Variants in PRKAG2 observed in about 807,000 individuals in gnomAD.
PRKAG2 encodes protein kinase AMP-activated non-catalytic subunit gamma 2, also known as 5'-AMP-activated protein kinase subunit gamma-2.
In PRKAG2, 26 loss-of-function variants were observed where a neutral mutation model predicts 69.6. The ratio of observed to expected loss-of-function variants is 0.37; its 90% CI spans 0.27 to 0.52. The LOEUF (loss-of-function observed/expected upper bound fraction) is 0.52. Ranked by LOEUF, PRKAG2 falls within the 20% of genes least tolerant of loss-of-function variation. The probability of loss-of-function intolerance (pLI) is 0.90; values close to 1 mark genes in which losing one functional copy is unlikely to be tolerated. For synonymous variants in PRKAG2, 293 were observed against 285.0 expected, an observed-to-expected ratio of 1.03 and a Z score of -0.28; for missense variants, 557 against 740.0, an observed-to-expected ratio of 0.75 and a Z score of 2.87.
At chr7:151,613,555 T>C (rs922314061) in intron 5 of PRKAG2, among the ~76,000 whole-genome samples, 11 of 152,158 alleles carry the variant, frequency 7.2e-5, no homozygotes, top group Non-Finnish European at 1.0e-4. Flanking sequence ...TGGAGTGCAG[T>C]GGTAGGATCT....
At chr7:151,830,636 T>A (rs996010318) in intron 1 of PRKAG2, among the ~76,000 whole-genome samples, 1 of 151,746 alleles carries the variant, frequency 6.6e-6, no homozygotes, top group Non-Finnish European at 1.5e-5. Flanking sequence ...ATGGGACTCA[T>A]GAGGGGCAGC....
chr7:151,685,274 T>C (rs1342644997), intron 3 of PRKAG2, among the ~76,000 whole-genome samples: 1 of 152,166 alleles, frequency 6.6e-6, no homozygotes, highest in Non-Finnish European at 1.5e-5. Flanking sequence ...TGCCCAATAC[T>C]TCTCTGAAAG....
chr7:151,620,485 G>GTT (rs200948394), intron 5 of PRKAG2, among the ~76,000 whole-genome samples: 2 of 146,272 alleles, frequency 1.4e-5, no homozygotes, highest in African/African-American at 5.0e-5. Context: ...TTTTTGTTTT[G>GTT]TTTTTTTTTT....
At chr7:151,674,961 A>G in intron 4 of PRKAG2, 1 of 222,200 alleles carries the variant, frequency 4.5e-6, no homozygotes, top group Non-Finnish European at 9.1e-6. Context: ...GCTCTGTTAC[A>G]TAGGGGCTGG....
At chr7:151,796,964 G>A (rs941104718) in intron 1 of PRKAG2, among the ~76,000 whole-genome samples, 10 of 152,098 alleles carry the variant, frequency 6.6e-5, no homozygotes, top group South Asian at 2.1e-4. Context: ...TTATTGGCTC[G>A]CAAATAAAAT....
At chr7:151,758,974 T>C (rs572864601) in intron 3 of PRKAG2, among the ~76,000 whole-genome samples, 1 of 152,270 alleles carries the variant, frequency 6.6e-6, no homozygotes, top group East Asian at 1.9e-4. Context: ...ACCCCAGCCC[T>C]GTCTCTACCA....
intron 3 of PRKAG2, among the ~76,000 whole-genome samples, chr7:151,700,703 C>T (rs894985709): frequency 5.9e-5 from 9 of 152,174 alleles, no homozygotes; most frequent in Admixed American, 5.2e-4. Context: ...CTGGGGCTAT[C>T]TCCGCCACGC....
intron 3 of PRKAG2, among the ~76,000 whole-genome samples, chr7:151,766,204 G>A (rs916804780): frequency 1.8e-4 from 27 of 152,326 alleles, no homozygotes; most frequent in African/African-American, 5.8e-4. Flanking sequence ...TGCGCTGCAC[G>A]AGGACTCGGC....
At chr7:151,830,443 C>T (rs78378184) in intron 1 of PRKAG2, among the ~76,000 whole-genome samples, 1 of 151,842 alleles carries the variant, frequency 6.6e-6, no homozygotes, top group Non-Finnish European at 1.5e-5. Context: ...AAGCCAAGCC[C>T]GGGGTCTGAG....
rs1478400347 is a variant in PRKAG2 at position 151,738,461 on chromosome 7, A to G, written c.466+42691T>C. Among the ~76,000 whole-genome samples the G allele has an allele frequency of 2.0e-5, 3 of 152,284 alleles. No individual in the cohort carries two copies. In the East Asian group the frequency reaches 5.8e-4, roughly 29 times the overall value. On this transcript the variant is annotated intron_variant, in intron 3 of 15. Coordinates refer to ENST00000287878, the MANE Select transcript of PRKAG2 (RefSeq NM_016203.4). ...AACTGGCCATAAACAAAATCTCTGC[A>G]GCACTGTGACATGTTCATAATGGCC...
At chr7:151,600,359 G>A (rs1815750879) in intron 5 of PRKAG2, among the ~76,000 whole-genome samples, 2 of 152,194 alleles carry the variant, frequency 1.3e-5, no homozygotes, top group South Asian at 4.1e-4. Context: ...TGTTAAACAA[G>A]TGATACTAAC....
chr7:151,755,861 G>A (rs568032277), intron 3 of PRKAG2, among the ~76,000 whole-genome samples: 3 of 152,160 alleles, frequency 2.0e-5, no homozygotes, highest in Non-Finnish European at 2.9e-5. Flanking sequence ...GTTTCACCCC[G>A]GTGCCTAAAG....
chr7:151,790,904 A>C (rs1384014893), intron 1 of PRKAG2, among the ~76,000 whole-genome samples: 1 of 152,262 alleles, frequency 6.6e-6, no homozygotes, highest in Non-Finnish European at 1.5e-5. Context: ...AAAAGAGCTG[A>C]GGGCCGGATG....
chr7:151,803,213 C>T (rs2077934596), intron 1 of PRKAG2, among the ~76,000 whole-genome samples: 1 of 152,236 alleles, frequency 6.6e-6, no homozygotes, highest in Non-Finnish European at 1.5e-5. Flanking sequence ...CTGCCTCAGC[C>T]TTCCAAAGTT....
intron 1 of PRKAG2, among the ~76,000 whole-genome samples, chr7:151,813,397 C>G (rs1205050764): frequency 1.3e-5 from 2 of 151,890 alleles, no homozygotes; most frequent in Admixed American, 1.3e-4. Context: ...GGTCAAGCGA[C>G]CCCCAGGTCA....
intron 1 of PRKAG2, among the ~76,000 whole-genome samples, chr7:151,840,897 G>A (rs575619972): frequency 2.6e-5 from 4 of 152,338 alleles, no homozygotes; most frequent in East Asian, 3.9e-4. Context: ...TACTTGCGAC[G>A]CTGGGGCAGG....
intron 5 of PRKAG2, among the ~76,000 whole-genome samples, chr7:151,624,760 G>C (rs1164814960): frequency 6.6e-6 from 1 of 152,160 alleles, no homozygotes; most frequent in East Asian, 1.9e-4. Context: ...CACACCTCCA[G>C]GGTTCACTCA....
chr7:151,742,878 T>C (rs1443776042), intron 3 of PRKAG2, among the ~76,000 whole-genome samples: 1 of 152,176 alleles, frequency 6.6e-6, no homozygotes, highest in African/African-American at 2.4e-5. Flanking sequence ...ATTCCTTACA[T>C]GAGGGACAAA....
chr7:151,828,455 A>G lies in PRKAG2; in HGVS notation c.115-41914T>C, dbSNP rs1371769871. ...ATGCATGAAGAAAAAGAATGACCCT[A>G]AAAGCCATCTCACAGAGGTGACACT... On this transcript the variant is annotated intron_variant, in intron 1 of 15. Transcript: ENST00000287878. This position sits in a 1 kb window ranked among gnomAD's most constrained non-coding sequence, Gnocchi z 4.6. Among the ~76,000 whole-genome samples, 1 of 152,246 alleles carries G rather than the reference A, an allele frequency of 6.6e-6. No homozygotes were observed. The highest frequency in any genetic ancestry group is 1.9e-4 in the East Asian group (1 of 5,200).
Sources: gnomAD v4.1 joint callset for allele counts (sites outside exome capture counted in the v4.1 genomes callset) on GRCh38, gnomAD v4.1.1 for gene constraint, Gnocchi (gnomAD v3.1) non-coding constraint, MANE v1.5 for transcripts, NCBI Gene and HGNC (gene_info 2026-07-23, HGNC 2026-07-21) for gene names.